Variants in DNM2 observed in about 807,000 individuals in gnomAD.
DNM2 encodes dynamin 2.
DNM2 carries 15 observed loss-of-function variants against 99.0 expected under a neutral mutation model. That is an observed-to-expected ratio of 0.15 (90% CI 0.10 to 0.23). The LOEUF is 0.23. DNM2 is among the 10% of genes least tolerant of loss of function. The pLI, the probability that DNM2 is intolerant of heterozygous loss-of-function variation, is 1.00. For synonymous variants in DNM2, 525 were observed against 481.2 expected, an observed-to-expected ratio of 1.09 and a Z score of -1.19; for missense variants, 742 against 1,189.4, an observed-to-expected ratio of 0.62 and a Z score of 5.53.
rs1010041153 is a variant in DNM2, at chr19:10,793,865, C to A, written c.1128+10C>A. ...ATTTGAGCTGGTGAAGGTAGTGCCC[C>A]CCGGGGCTGGGCCCTCCCGTCTCTG... On this transcript the variant is annotated intron_variant, in intron 8 of 20. Coordinates refer to ENST00000389253, the MANE Select transcript of DNM2 (RefSeq NM_001005361.3). 7.4e-6 allele frequency: 12 copies of A among 1,614,136 alleles called. No individual in the cohort carries two copies. Among genetic ancestry groups the A allele is most frequent in the Non-Finnish European group, 1.0e-5 (12 of 1,180,030 alleles).
rs535163077 is a variant in DNM2 at position 10,795,735 on chromosome 19, T to A, written c.1196+296T>A. 1.7e-6 allele frequency: 1 copy of A among 579,668 alleles called. No homozygotes were observed. The highest frequency in any genetic ancestry group is 1.9e-5 in the African/African-American group (1 of 53,670). 35.9% of individuals were successfully genotyped at this position (579,668 alleles called of 1,614,324 possible). ...CTCATGCTAAACTAAGAATGCTCAC[T>A]GCAGATTTGCCTGGGGAGGGGCGGG... On this transcript the variant is annotated intron_variant, in intron 9 of 20. Coordinates refer to ENST00000389253, the MANE Select transcript of DNM2 (RefSeq NM_001005361.3). The surrounding 1 kb of genome is among the most constrained non-coding windows in gnomAD (Gnocchi z 4.2).
rs149612649 is a variant in DNM2 at position 10,733,718 on chromosome 19, T to C, written c.161+15315T>C. 7.9e-5 allele frequency among the ~76,000 whole-genome samples: 12 copies of C among 151,774 alleles called. No individual in the cohort carries two copies. In the East Asian group the frequency reaches 2.3e-3, roughly 30 times the overall value. ...ACATAACCTCTTCTCTAAAAATAAA[T>C]GAATGAGGCCGGACATGGTGGCTCA... is the stretch of plus-strand genomic sequence containing the variant. On this transcript the variant is annotated intron_variant, in intron 1 of 20. Transcript: ENST00000389253.
chr19:10,727,940 C>G (rs933592493), intron 1 of DNM2, among the ~76,000 whole-genome samples: 1 of 152,128 alleles, frequency 6.6e-6, no homozygotes, highest in Non-Finnish European at 1.5e-5. Flanking sequence ...AAAATCCAAG[C>G]CAATAATGAG....
rs563227550 is a variant in DNM2, at chr19:10,741,711, G to A, written c.162-18027G>A. Reference sequence around the variant, plus strand: ...AGTACAGGTGTCCGCCACCATGCCCGGCTAATTTTTTTTGTATTTTTAGTA... The same window carrying A: ...AGTACAGGTGTCCGCCACCATGCCCAGCTAATTTTTTTTGTATTTTTAGTA... On this transcript the variant is annotated intron_variant, in intron 1 of 20. Coordinates refer to ENST00000389253, the MANE Select transcript of DNM2 (RefSeq NM_001005361.3). 9.2e-5 allele frequency among the ~76,000 whole-genome samples: 14 copies of A among 151,974 alleles called. No homozygotes were observed. In the East Asian group the frequency reaches 2.3e-3, roughly 25 times the overall value.
chr19:10,754,365 G>A lies in DNM2; in HGVS notation c.162-5373G>A, dbSNP rs11883162. Among the ~76,000 whole-genome samples the A allele has an allele frequency of 7.3e-3, 1,092 of 148,890 alleles. 10 individuals are homozygous for A. Among genetic ancestry groups the A allele is most frequent in the African/African-American group, 0.026 (1,045 of 40,336 alleles). ...CCGCCTCCCAGGTTCAAGCGATTCT[G>A]CCTCAGCCTCCTGAGTAGCTGGGAC... On this transcript the variant is annotated intron_variant, in intron 1 of 20. Transcript: ENST00000389253.
intron 16 of DNM2, among the ~76,000 whole-genome samples, chr19:10,821,939 CCT>C (rs1422810721): frequency 6.6e-6 from 1 of 152,202 alleles, no homozygotes; most frequent in Non-Finnish European, 1.5e-5. Flanking sequence ...CAAGGGCATG[CCT>C]CTCCCCACAC....
intron 1 of DNM2, among the ~76,000 whole-genome samples, chr19:10,729,135 A>C (rs2069208645): frequency 1.0e-5 from 1 of 97,292 alleles, no homozygotes; most frequent in South Asian, 3.9e-4. Flanking sequence ...ACTGCACTCC[A>C]GCCTGGGCGA....
intron 15 of DNM2, 149 bp from the exon 16 acceptor site, chr19:10,819,831 G>A (rs2072913968): frequency 2.7e-6 from 2 of 752,636 alleles, no homozygotes; most frequent in Non-Finnish European, 4.7e-6. Context: ...GACGGACGGG[G>A]AAGGGCCGGC....
chr19:10,816,377 G>T lies in DNM2; in HGVS notation c.1672-3603G>T, dbSNP rs767031113. On this transcript the variant is annotated intron_variant, in intron 15 of 20. Transcript: ENST00000389253. The surrounding 1 kb of genome is among the most constrained non-coding windows in gnomAD (Gnocchi z 4.6). ...GCGCTGTTTCTAAACCCAGGGTGGT[G>T]GAGTCTGCTGAGCCACCATACAAGC... Among the ~76,000 whole-genome samples, 1 of 152,066 alleles carries T rather than the reference G, an allele frequency of 6.6e-6. No homozygotes were observed. Among genetic ancestry groups the T allele is most frequent in the Non-Finnish European group, 1.5e-5 (1 of 67,992 alleles).
At chr19:10,722,090 C>T (rs1015058726) in intron 1 of DNM2, among the ~76,000 whole-genome samples, 22 of 152,100 alleles carry the variant, frequency 1.4e-4, no homozygotes, top group African/African-American at 2.9e-4. Context: ...TGATGCGTGC[C>T]GAGTGCATGT....
rs1000582794 is a variant in DNM2, at chr19:10,772,439, C to T, written c.236-40C>T. On this transcript the variant is annotated intron_variant, in intron 2 of 20. Transcript: ENST00000389253. This position sits in a 1 kb window ranked among gnomAD's most constrained non-coding sequence, Gnocchi z 4.9. The stretch of plus-strand genomic sequence containing the variant: ...CCGCAGTCCATGCGCACCCTGCCCA[C>T]AGCTCTTTCTCATTTTCAGCATCTC... 3.7e-6 allele frequency: 6 copies of T among 1,612,520 alleles called. No individual in the cohort carries two copies. The highest frequency in any genetic ancestry group is 2.2e-5 in the South Asian group (2 of 91,082).
chr19:10,808,862 A>T (rs2146094971), intron 14 of DNM2: 1 of 429,856 alleles, frequency 2.3e-6, no homozygotes, highest in East Asian at 3.8e-5. Context: ...AGGGATGGCA[A>T]ATACTTACAC....
chr19:10,777,104 C>T lies in DNM2; in HGVS notation c.590-14C>T, dbSNP rs2071181078. The T allele has an allele frequency of 6.2e-7, 1 of 1,614,118 alleles. No homozygotes were observed. Among genetic ancestry groups the T allele is most frequent in the African/African-American group, 1.3e-5 (1 of 75,064 alleles). ...GGTGGCAGCCTCTGACCTCTGACCT[C>T]TGGGCTCTTTCAGGCCTACGGACCA... On this transcript the variant is annotated splice_polypyrimidine_tract_variant and intron_variant, in intron 4 of 20. Transcript: ENST00000389253.
At position 10,797,468 on chromosome 19, in the gene DNM2, G is replaced by C; in HGVS notation, c.1285G>C (p.Asp429His). The part of the protein sequence containing the change: ...KLKEPSLKCV[D>H]LVVSELATVI... Reference sequence around the variant, plus strand: ...CAAAGAGCCGAGTTTGAAGTGTGTTGATCTCGTGGTCTCAGAGCTGGCCAC... The same window carrying C: ...CAAAGAGCCGAGTTTGAAGTGTGTTCATCTCGTGGTCTCAGAGCTGGCCAC... The change falls in exon 10 of 21, where the codon GAT becomes CAT. Residue 429 changes from aspartate (D) to histidine (H), a missense_variant. Around this residue, in one of 7 missense-constraint regions of DNM2, gnomAD observed 240 missense variants for 431.3 expected, o/e 0.56. Coordinates refer to ENST00000389253, the MANE Select transcript of DNM2 (RefSeq NM_001005361.3). The C allele has an allele frequency of 6.2e-7, 1 of 1,614,028 alleles. No homozygotes were observed. Among genetic ancestry groups the C allele is most frequent in the South Asian group, 1.1e-5 (1 of 91,072 alleles).
chr19:10,780,169 G>A (rs1599539607), intron 5 of DNM2: 2 of 152,498 alleles, frequency 1.3e-5, no homozygotes, highest in South Asian at 2.1e-4. Flanking sequence ...GTGGTGAGGC[G>A]ACCCCGGATC....
intron 1 of DNM2, among the ~76,000 whole-genome samples, chr19:10,738,510 G>A (rs2069614957): frequency 6.6e-6 from 1 of 151,808 alleles, no homozygotes; most frequent in Non-Finnish European, 1.5e-5. Context: ...GGTGGGATGA[G>A]GACTGGCCAC....
intron 16 of DNM2, among the ~76,000 whole-genome samples, chr19:10,821,634 C>T (rs991443689): frequency 8.5e-5 from 13 of 152,068 alleles, no homozygotes; most frequent in African/African-American, 1.4e-4. Flanking sequence ...TGGGTTCAAG[C>T]GATTCTCCTG....
intron 1 of DNM2, among the ~76,000 whole-genome samples, chr19:10,733,189 TG>T (rs1327749225): frequency 5.7e-5 from 5 of 88,190 alleles, no homozygotes; most frequent in Admixed American, 1.4e-4. Flanking sequence ...TGGGCTGGTG[TG>T]GTTTTTTTTT....
intron 11 of DNM2, among the ~76,000 whole-genome samples, chr19:10,800,066 A>G (rs938179598): frequency 3.3e-5 from 5 of 152,100 alleles, no homozygotes; most frequent in Non-Finnish European, 4.4e-5. Flanking sequence ...CATGTTGGCC[A>G]GGCTGGTCTT....
Sources: allele counts gnomAD v4.1 joint callset (sites outside exome capture counted in the v4.1 genomes callset), GRCh38; gene constraint gnomAD v4.1.1; regional missense constraint gnomAD v4.1.1; non-coding constraint Gnocchi (gnomAD v3.1); transcripts MANE v1.5; gene names NCBI Gene and HGNC (gene_info 2026-07-23, HGNC 2026-07-21).